GGH: variants seen among roughly 807,000 people sequenced by gnomAD.
GGH encodes gamma-glutamyl hydrolase, also known as gamma-Glu-X carboxypeptidase.
In GGH, 18 loss-of-function variants were observed where a neutral mutation model predicts 39.2. The observed-to-expected ratio is 0.46, with a 90% CI of 0.32 to 0.68. The LOEUF (loss-of-function observed/expected upper bound fraction) is 0.68, where lower values mean the gene tolerates loss of function less well. Ranked by LOEUF, GGH falls within the 30% of genes least tolerant of loss-of-function variation. GGH has a pLI of 0.04. For synonymous variants in GGH, 147 were observed against 138.8 expected, an observed-to-expected ratio of 1.06 and a Z score of -0.42; for missense variants, 367 against 384.1, an observed-to-expected ratio of 0.96 and a Z score of 0.37.
At chr8:63,033,281 A>G (rs1428418225) in intron 2 of GGH, among the ~76,000 whole-genome samples, 1 of 152,186 alleles carries the variant, frequency 6.6e-6, no homozygotes, top group Non-Finnish European at 1.5e-5. Context: ...CATTCTTGGA[A>G]TTGTACTGTC....
chr8:63,036,829 G>C (rs919734987), intron 1 of GGH, among the ~76,000 whole-genome samples: 1 of 152,190 alleles, frequency 6.6e-6, no homozygotes, highest in South Asian at 2.1e-4. Flanking sequence ...AATAGGAAAG[G>C]ACATCAGGTA....
intron 1 of GGH, among the ~76,000 whole-genome samples, chr8:63,038,367 A>G (rs532455556): frequency 6.6e-6 from 1 of 152,364 alleles, no homozygotes; most frequent in East Asian, 1.9e-4. Flanking sequence ...TTTAGTAGAA[A>G]TTCCTAGCTG....
intron 7 of GGH, among the ~76,000 whole-genome samples, chr8:63,021,595 A>C (rs1278074271): frequency 1.3e-5 from 2 of 151,836 alleles, no homozygotes; most frequent in African/African-American, 4.8e-5. Flanking sequence ...TACACTGAGC[A>C]ACTTATCTCA....
At chr8:63,023,113 C>T (rs1804624100) in intron 7 of GGH, among the ~76,000 whole-genome samples, 1 of 152,068 alleles carries the variant, frequency 6.6e-6, no homozygotes, top group African/African-American at 2.4e-5. Flanking sequence ...CTGGTCCTCT[C>T]AAAAAAACTA....
At chr8:63,038,489 T>C (rs1014147163) in intron 1 of GGH, among the ~76,000 whole-genome samples, 171 bp downstream of exon 1, 7 of 152,220 alleles carry the variant, frequency 4.6e-5, no homozygotes, top group African/African-American at 1.4e-4. Flanking sequence ...CCAGGTACAT[T>C]TCAGTACGAC....
chr8:63,017,645 C>A lies in GGH; in HGVS notation c.698-15G>T. On this transcript the variant is annotated splice_polypyrimidine_tract_variant and intron_variant, in intron 7 of 8. Transcript: ENST00000260118. ...ATACTTATATCCTGTAAGAAGAACA[C>A]AAATTAGTAAGTACTAAGAATGGTT... 2.0e-6 allele frequency: 3 copies of A among 1,517,646 alleles called. No homozygotes were observed. The highest frequency in any genetic ancestry group is 2.7e-6 in the Non-Finnish European group (3 of 1,110,564). The allele number at this position is 1,517,646 out of a possible 1,614,324, so 94.0% of individuals were successfully genotyped here.
intron 3 of GGH, 142 bp from the exon 4 acceptor site, chr8:63,027,407 A>G (rs1247083617): frequency 3.8e-6 from 2 of 523,314 alleles, no homozygotes; most frequent in Non-Finnish European, 6.7e-6. Context: ...AGAAAAGTAA[A>G]GAAAAAAGAA....
intron 2 of GGH, among the ~76,000 whole-genome samples, chr8:63,035,238 C>A (rs943533480): frequency 6.6e-6 from 1 of 152,170 alleles, no homozygotes; most frequent in Non-Finnish European, 1.5e-5. Flanking sequence ...TGTCAAAAAT[C>A]AGGTGCAATG....
intron 3 of GGH, among the ~76,000 whole-genome samples, chr8:63,027,767 C>A (rs544419746): frequency 2.0e-4 from 30 of 152,016 alleles, no homozygotes; most frequent in Non-Finnish European, 3.8e-4. Context: ...ATTCTTATCA[C>A]CCCGAGTCTC....
At chr8:63,024,685 T>C (rs1249074819) in intron 5 of GGH, 1 of 152,664 alleles carries the variant, frequency 6.6e-6, no homozygotes, top group African/African-American at 2.4e-5. Context: ...CAATATATCT[T>C]AGTGGTCAAC....
chr8:63,024,978 T>G (rs879189085), intron 5 of GGH: 6 of 152,198 alleles, frequency 3.9e-5, no homozygotes, highest in Admixed American at 6.5e-5. Flanking sequence ...CACAAAGCAT[T>G]CTACAAGTTT....
chr8:63,027,796 A>G (rs570915409), intron 3 of GGH, among the ~76,000 whole-genome samples: 2 of 152,274 alleles, frequency 1.3e-5, no homozygotes, highest in South Asian at 4.1e-4. Context: ...CACGCACAGT[A>G]TTAGAACATT....
rs771558786 is a variant in GGH, at chr8:63,026,186, G to A, written c.471C>T (p.Asp157=). ...ECLLTATDTV[D]VAMPLNFTGG... ...CAGTGAAGTTCAGCGGCATTGCCAC[G>A]TCAACAGTATCTGTGGCAGTTAATA... Residue 157 remains aspartate, a synonymous_variant, in exon 5 of 9, where the codon GAC becomes GAT. Transcript: ENST00000260118. The A allele has an allele frequency of 2.2e-5, 35 of 1,604,054 alleles. No homozygotes were observed. In the South Asian group the frequency reaches 3.2e-4, roughly 14 times the overall value.
chr8:63,026,701 T>C (rs1804689955), intron 4 of GGH, among the ~76,000 whole-genome samples: 1 of 152,198 alleles, frequency 6.6e-6, no homozygotes, highest in African/African-American at 2.4e-5. Flanking sequence ...GTTTGAGCTA[T>C]GGTACAAAGG....
intron 5 of GGH, chr8:63,025,301 C>T (rs1804664020): frequency 6.6e-6 from 1 of 152,144 alleles, no homozygotes; most frequent in African/African-American, 2.4e-5. Flanking sequence ...GTTGAAACTT[C>T]GAGCCAGCCC....
chr8:63,025,155 G>A (rs1366498600), intron 5 of GGH: 1 of 152,140 alleles, frequency 6.6e-6, no homozygotes, highest in Non-Finnish European at 1.5e-5. Context: ...TTCCTGACAG[G>A]AAGCTTCTAA....
chr8:63,030,142 T>A (rs2129668679), intron 3 of GGH, 25 bp downstream of exon 3: 1 of 1,089,222 alleles, frequency 9.2e-7, no homozygotes, highest in Non-Finnish European at 1.4e-6. Flanking sequence ...TCATATACCG[T>A]ATGAAACCAA....
At position 63,015,371 on chromosome 8, in the gene GGH, T is replaced by C. The variant is rs201429647; in HGVS notation, c.918A>G (p.Gly306=). ...LIYQFSPIYT[G]NISSFQQCYI... is the part of the protein sequence containing the mutation. The stretch of plus-strand genomic sequence containing the variant: ...AACATTGCTGAAATGAAGAAATATT[T>C]CCAGTATAAATTGGACTGAACTGAT... Residue 306 remains glycine, a synonymous_variant, in exon 9 of 9, where the codon GGA becomes GGG. Transcript: ENST00000260118. The C allele has an allele frequency of 7.1e-7, 1 of 1,407,264 alleles. No homozygotes were observed. The allele number at this position is 1,407,264 out of a possible 1,614,324, so 87.2% of individuals were successfully genotyped here. A position where few individuals can be genotyped will look rare whatever the true frequency, so the allele number is the denominator to read the frequency against.
chr8:63,025,520 G>A (rs982853739), intron 5 of GGH, among the ~76,000 whole-genome samples: 5 of 152,144 alleles, frequency 3.3e-5, no homozygotes, highest in African/African-American at 1.2e-4. Context: ...ATCACCTGAG[G>A]TCAGGAGTTT....
Sources: allele counts gnomAD v4.1 joint callset (sites outside exome capture counted in the v4.1 genomes callset), GRCh38; gene constraint gnomAD v4.1.1; transcripts MANE v1.5; gene names NCBI Gene and HGNC (gene_info 2026-07-23, HGNC 2026-07-21).